The following AFMID variants were observed in gnomAD, a reference collection of about 807,000 sequenced individuals.
AFMID encodes the protein arylformamidase.
A neutral mutation model predicts 47.5 loss-of-function variants in AFMID; 39 were observed. The ratio of observed to expected loss-of-function variants is 0.82; its 90% confidence interval spans 0.64 to 1.07. The LOEUF (loss-of-function observed/expected upper bound fraction) is 1.07. AFMID is among the 50% of genes least tolerant of loss of function. AFMID has a pLI of 0.00. For synonymous variants in AFMID, 130 were observed against 153.2 expected, an observed-to-expected ratio of 0.85 and a Z score of 1.12; for missense variants, 375 against 387.5, an observed-to-expected ratio of 0.97 and a Z score of 0.27.
At chr17:78,202,814 CCT>C in intron 4 of AFMID, 63 bp downstream of exon 4, 1 of 1,540,960 alleles carries the variant, frequency 6.5e-7, no homozygotes, top group Non-Finnish European at 8.8e-7. Flanking sequence ...GGGGACTCCT[CCT>C]CCAGGGCTGC....
At position 78,191,068 on chromosome 17, in the gene AFMID, T is replaced by G. The variant is rs773271416; in HGVS notation, c.154+8T>G. 1 of 1,612,910 alleles carries G rather than the reference T, an allele frequency of 6.2e-7. No homozygotes were observed. The highest frequency in any genetic ancestry group is 8.5e-7 in the Non-Finnish European group (1 of 1,179,102). On this transcript the variant is annotated splice_region_variant and intron_variant, in intron 2 of 10. Transcript: ENST00000409257. Reference sequence around the variant, plus strand: ...CACAGATAGGAATTGAAGGTACTAGTGTGACCTCTCCGTGGCCGCATTGGG... The same window carrying G: ...CACAGATAGGAATTGAAGGTACTAGGGTGACCTCTCCGTGGCCGCATTGGG...
intron 4 of AFMID, 117 bp from the exon 5 acceptor site, chr17:78,204,539 C>A: frequency 2.1e-6 from 2 of 945,442 alleles, no homozygotes; most frequent in Non-Finnish European, 3.4e-6. Flanking sequence ...TCACATGGGA[C>A]CAGAAAGGGG....
chr17:78,206,256 T>C (rs1434265162), intron 10 of AFMID, among the ~76,000 whole-genome samples: 1 of 151,290 alleles, frequency 6.6e-6, no homozygotes, highest in Non-Finnish European at 1.5e-5. Context: ...TGAGAATTGC[T>C]TTAACCCAGG....
In AFMID at chr17:78,205,075, T is replaced by C. The variant is rs755191917; in HGVS notation, c.468-18T>C. ...GAAACTGCGTGCAAATCCAGCTCTC[T>C]GCTCTGACCCCTCCCAGGGGAATTT... On this transcript the variant is annotated intron_variant, in intron 6 of 10. Transcript: ENST00000409257. 2 of 1,601,390 alleles carry C rather than the reference T, an allele frequency of 1.2e-6. No homozygotes were observed. Among genetic ancestry groups the C allele is most frequent in the Non-Finnish European group, 1.7e-6 (2 of 1,173,120 alleles).
intron 2 of AFMID, chr17:78,197,039 TA>T (rs765733299): frequency 1.7e-4 from 161 of 934,418 alleles, no homozygotes; most frequent in Admixed American, 5.1e-4. Context: ...TTATGCATGA[TA>T]ATGAACACCT....
At chr17:78,200,326 TG>T (rs1567850662) in intron 2 of AFMID, among the ~76,000 whole-genome samples, 2 of 152,138 alleles carry the variant, frequency 1.3e-5, no homozygotes. Context: ...AGATAATTTT[TG>T]TATTTTTAGT....
In AFMID at chr17:78,204,640, C is replaced by G; in HGVS notation, c.309-16C>G. The G allele has an allele frequency of 6.2e-7, 1 of 1,614,038 alleles. No homozygotes were observed. The highest frequency in any genetic ancestry group is 8.5e-7 in the Non-Finnish European group (1 of 1,179,926). ...GCCAAGCTGCCTCCAGCTGTCACAT[C>G]TGTGTGTCTCTGCAGTAAGGATGAG... is the stretch of plus-strand genomic sequence containing the variant. On this transcript the variant is annotated splice_polypyrimidine_tract_variant and intron_variant, in intron 4 of 10. Coordinates refer to ENST00000409257, the MANE Select transcript of AFMID (RefSeq NM_001010982.5).
chr17:78,205,926 C>T lies in AFMID; in HGVS notation c.781-20C>T, dbSNP rs749446353. 1 of 1,612,516 alleles carries T rather than the reference C, an allele frequency of 6.2e-7. No individual in the cohort carries two copies. The highest frequency in any genetic ancestry group is 1.3e-5 in the African/African-American group (1 of 74,884). ...CCCTCCCACTGCTCAGGCCCCTCTT[C>T]CCATGTCTCCCCTGCCCAGACCCTG... is the stretch of plus-strand genomic sequence containing the variant. On this transcript the variant is annotated intron_variant, in intron 9 of 10. Coordinates refer to ENST00000409257, the MANE Select transcript of AFMID (RefSeq NM_001010982.5).
At chr17:78,195,535 T>C (rs1249265136) in intron 2 of AFMID, among the ~76,000 whole-genome samples, 2 of 140,372 alleles carry the variant, frequency 1.4e-5, no homozygotes, top group African/African-American at 5.4e-5. Flanking sequence ...GGAGTTTCAC[T>C]CTTGTTACCC....
chr17:78,205,935 C>A lies in AFMID; in HGVS notation c.781-11C>A, dbSNP rs774150332. On this transcript the variant is annotated splice_polypyrimidine_tract_variant and intron_variant, in intron 9 of 10. Coordinates refer to ENST00000409257, the MANE Select transcript of AFMID (RefSeq NM_001010982.5). ...TGCTCAGGCCCCTCTTCCCATGTCTCCCCTGCCCAGACCCTGTGTCAAGGA... is the reference window on the plus strand; with the variant it reads ...TGCTCAGGCCCCTCTTCCCATGTCTACCCTGCCCAGACCCTGTGTCAAGGA... 1 of 1,612,686 alleles carries A rather than the reference C, an allele frequency of 6.2e-7. No individual in the cohort carries two copies. The highest frequency in any genetic ancestry group is 8.5e-7 in the Non-Finnish European group (1 of 1,179,464).
intron 1 of AFMID, 186 bp from the exon 2 acceptor site, chr17:78,190,784 G>T: frequency 1.8e-6 from 1 of 558,102 alleles, no homozygotes; most frequent in Non-Finnish European, 3.2e-6. Flanking sequence ...AAGGCTGCCA[G>T]CTGGCTAAAG....
chr17:78,190,184 A>T (rs190751905), intron 1 of AFMID, among the ~76,000 whole-genome samples: 1 of 148,492 alleles, frequency 6.7e-6, no homozygotes, highest in East Asian at 2.0e-4. Context: ...GTTCCTTGTT[A>T]CTTTCTGCAT....
intron 2 of AFMID, among the ~76,000 whole-genome samples, chr17:78,202,204 C>T (rs1241061282): frequency 6.6e-6 from 1 of 150,474 alleles, no homozygotes; most frequent in Non-Finnish European, 1.5e-5. Context: ...GTGGGTGGAT[C>T]ACGAGGTCAG....
chr17:78,187,431 GA>G lies in AFMID; in HGVS notation c.62del (p.Glu21GlyfsTer22). ...SKVPWKKMSAEELENQYCPSR... is the reference protein window; with the variant it reads ...SKVPWKKMSAXELENQYCPSR... ...GGTTCCTTGGAAGAAGATGTCTGCA[GA>G]GGTAGGTGGATTGCAGGGAGGGACT... On this transcript the variant is annotated frameshift_variant and splice_region_variant, in exon 1 of 11. Coordinates refer to ENST00000409257, the MANE Select transcript of AFMID (RefSeq NM_001010982.5). LOFTEE classifies it high-confidence loss of function. 1 of 1,614,010 alleles carries G rather than the reference GA, an allele frequency of 6.2e-7. No homozygotes were observed. The highest frequency in any genetic ancestry group is 8.5e-7 in the Non-Finnish European group (1 of 1,179,984).
At chr17:78,191,210 CA>C in intron 2 of AFMID, 150 bp downstream of exon 2, 2 of 685,628 alleles carry the variant, frequency 2.9e-6, no homozygotes, top group South Asian at 3.5e-5. Context: ...CCTCCCTGCT[CA>C]GGGGCAGGTG....
At chr17:78,192,533 C>G (rs1010425989) in intron 2 of AFMID, 9 of 438,494 alleles carry the variant, frequency 2.1e-5, no homozygotes, top group Admixed American at 2.0e-4. Context: ...AGGCTGGTCT[C>G]AAACTCCCGA....
At position 78,189,296 on chromosome 17, in the gene AFMID, C is replaced by T. The variant is rs149239888; in HGVS notation, c.64-1674C>T. On this transcript the variant is annotated intron_variant, in intron 1 of 10. Coordinates refer to ENST00000409257, the MANE Select transcript of AFMID (RefSeq NM_001010982.5). ...AGAGTGCAATGGTGGGATCTCAGCT[C>T]GCTGCAACCTCCACCTCCCGAGTTC... 6.8e-3 allele frequency among the ~76,000 whole-genome samples: 1,004 copies of T among 148,158 alleles called. 6 individuals are homozygous for T. The highest frequency in any genetic ancestry group is 0.017 in the Admixed American group (251 of 14,752).
rs2076332884 is a variant in AFMID at position 78,204,760 on chromosome 17, G to A, written c.394+19G>A. 6.2e-7 allele frequency: 1 copy of A among 1,614,082 alleles called. No homozygotes were observed. The highest frequency in any genetic ancestry group is 1.3e-5 in the African/African-American group (1 of 74,940). ...CCCAAAGGTAATAGGAGTGGTTGCT[G>A]CAGGTCCGAGGGCCGGTGGGCTTTA... On this transcript the variant is annotated intron_variant, in intron 5 of 10. Coordinates refer to ENST00000409257, the MANE Select transcript of AFMID (RefSeq NM_001010982.5).
At chr17:78,193,915 G>A (rs1251920306) in intron 2 of AFMID, among the ~76,000 whole-genome samples, 1 of 150,426 alleles carries the variant, frequency 6.6e-6, no homozygotes, top group African/African-American at 2.4e-5. Context: ...GGTGGAGCTT[G>A]CAGTGAGCTG....
Sources: gnomAD v4.1 joint callset for allele counts (sites outside exome capture counted in the v4.1 genomes callset) on GRCh38, gnomAD v4.1.1 for gene constraint, MANE v1.5 for transcripts, NCBI Gene and HGNC (gene_info 2026-07-23, HGNC 2026-07-21) for gene names.